The following MACROD2 variants were observed in gnomAD, a reference collection of about 807,000 sequenced individuals.
The protein encoded by MACROD2 is mono-ADP ribosylhydrolase 2.
MACROD2 carries 36 observed loss-of-function variants against 70.4 expected under a neutral mutation model. That is an observed-to-expected ratio of 0.51 (90% CI 0.39 to 0.68). The LOEUF is 0.68. Among genes scored for constraint, MACROD2 ranks in the 30% least tolerant of loss-of-function variants. The probability of loss-of-function intolerance (pLI) is 0.00; values close to 1 mark genes in which losing one functional copy is unlikely to be tolerated. For synonymous variants in MACROD2, 172 were observed against 178.8 expected, an observed-to-expected ratio of 0.96 and a Z score of 0.30; for missense variants, 496 against 538.4, an observed-to-expected ratio of 0.92 and a Z score of 0.78.
intron 3 of MACROD2, among the ~76,000 whole-genome samples, chr20:14,215,375 CA>C (rs1355108110): frequency 3.3e-5 from 5 of 150,376 alleles, no homozygotes; most frequent in African/African-American, 1.2e-4. Context: ...CACACACACA[CA>C]CACACCACAG....
intron 6 of MACROD2, among the ~76,000 whole-genome samples, chr20:15,278,288 G>A (rs999292447): frequency 6.6e-6 from 1 of 152,200 alleles, no homozygotes; most frequent in Non-Finnish European, 1.5e-5. Flanking sequence ...TCCTCATTAT[G>A]AAATAAGACC....
At chr20:15,227,836 T>TTTTTTG (rs2076923029) in intron 5 of MACROD2, among the ~76,000 whole-genome samples, 2 of 124,672 alleles carry the variant, frequency 1.6e-5, no homozygotes, top group African/African-American at 6.3e-5. Flanking sequence ...TTTTTTTTTT[T>TTTTTTG]TTTTTTTTTT....
chr20:14,907,993 T>G (rs908962142), intron 5 of MACROD2, among the ~76,000 whole-genome samples: 4 of 152,094 alleles, frequency 2.6e-5, no homozygotes, highest in African/African-American at 9.7e-5. Context: ...TTCAAACCAC[T>G]GCAAAAAGTC....
intron 2 of MACROD2, among the ~76,000 whole-genome samples, chr20:14,035,349 A>G (rs781310479): frequency 2.0e-5 from 3 of 152,216 alleles, no homozygotes; most frequent in Non-Finnish European, 4.4e-5. Context: ...TTTACTGTTT[A>G]GGAGCACTTA....
At chr20:15,316,496 A>G (rs1215183304) in intron 6 of MACROD2, among the ~76,000 whole-genome samples, 2 of 152,146 alleles carry the variant, frequency 1.3e-5, no homozygotes, top group Non-Finnish European at 2.9e-5. Flanking sequence ...TTAAGAAGCC[A>G]TAGCATTTAT....
At position 15,188,382 on chromosome 20, in the gene MACROD2, T is replaced by C. The variant is rs146914189; in HGVS notation, c.419-41558T>C. 5.7e-4 allele frequency among the ~76,000 whole-genome samples: 87 copies of C among 152,322 alleles called. 1 individual carries two copies. The highest frequency in any genetic ancestry group is 1.9e-3 in the African/African-American group (79 of 41,570). On this transcript the variant is annotated intron_variant, in intron 5 of 17. Transcript: ENST00000684519. ...ATAATGGCGTGTGTTCAAACCTCTG[T>C]ATCTCCAAAGAGTCGAGCAACATGG... is the stretch of plus-strand genomic sequence containing the variant.
intron 4 of MACROD2, among the ~76,000 whole-genome samples, chr20:14,520,738 C>A (rs2423795): frequency 1.3e-5 from 2 of 152,000 alleles, no homozygotes; most frequent in Admixed American, 6.5e-5. Flanking sequence ...CTTTTGCTAC[C>A]TTTGTACCTT....
intron 10 of MACROD2, among the ~76,000 whole-genome samples, chr20:15,903,092 T>G (rs1207620745): frequency 6.6e-6 from 1 of 152,016 alleles, no homozygotes; most frequent in East Asian, 1.9e-4. Context: ...AAACAGTAAG[T>G]GGGCCGGGTG....
At chr20:15,634,592 C>A (rs556387822) in intron 8 of MACROD2, among the ~76,000 whole-genome samples, 1 of 152,198 alleles carries the variant, frequency 6.6e-6, no homozygotes, top group South Asian at 2.1e-4. Flanking sequence ...ACGTTACTTA[C>A]CTTATGGGGA....
At chr20:15,521,697 CAA>C (rs908358050) in intron 8 of MACROD2, among the ~76,000 whole-genome samples, 11 of 152,100 alleles carry the variant, frequency 7.2e-5, no homozygotes, top group Admixed American at 6.5e-5. Context: ...TCAGAAAAAG[CAA>C]GATTATGGAC....
intron 6 of MACROD2, among the ~76,000 whole-genome samples, chr20:15,430,570 T>C (rs896556064): frequency 6.6e-6 from 1 of 151,984 alleles, no homozygotes; most frequent in African/African-American, 2.4e-5. Flanking sequence ...AAGCCTAATT[T>C]AGAGTAAAAT....
At chr20:15,402,683 C>T (rs1328078858) in intron 6 of MACROD2, among the ~76,000 whole-genome samples, 2 of 152,270 alleles carry the variant, frequency 1.3e-5, no homozygotes, top group East Asian at 3.9e-4. Flanking sequence ...GGGGCAAGAG[C>T]AAAGAATAAA....
At chr20:15,275,576 T>G (rs1450218842) in intron 6 of MACROD2, among the ~76,000 whole-genome samples, 1 of 152,200 alleles carries the variant, frequency 6.6e-6, no homozygotes, top group Non-Finnish European at 1.5e-5. Flanking sequence ...TTGGTGGTGA[T>G]AGATCCTCCT....
At chr20:14,766,503 T>A (rs757500348) in intron 5 of MACROD2, among the ~76,000 whole-genome samples, 3 of 152,090 alleles carry the variant, frequency 2.0e-5, no homozygotes, top group Non-Finnish European at 4.4e-5. Flanking sequence ...TTGGTGGAAG[T>A]CCTTTGAGAT....
intron 3 of MACROD2, among the ~76,000 whole-genome samples, chr20:14,362,834 CATAGATA>C (rs565157380): frequency 4.8e-4 from 73 of 152,144 alleles, no homozygotes; most frequent in African/African-American, 1.7e-3. Context: ...ACCTTAAGAG[CATAGATA>C]ATAGTAAAAT....
At chr20:14,190,289 A>G (rs572850768) in intron 3 of MACROD2, among the ~76,000 whole-genome samples, 18 of 152,318 alleles carry the variant, frequency 1.2e-4, no homozygotes, top group African/African-American at 4.3e-4. Context: ...CCCAGACACA[A>G]CATTTAAATG....
chr20:14,220,248 G>A (rs565622323), intron 3 of MACROD2, among the ~76,000 whole-genome samples: 13 of 152,218 alleles, frequency 8.5e-5, no homozygotes, highest in Non-Finnish European at 1.5e-4. Context: ...GGTCAGGGGA[G>A]TTGTTTACCT....
intron 3 of MACROD2, among the ~76,000 whole-genome samples, chr20:14,336,508 A>G (rs915851934): frequency 6.6e-6 from 1 of 152,178 alleles, no homozygotes; most frequent in African/African-American, 2.4e-5. Flanking sequence ...CAAGCTTTGT[A>G]GTATAAATGC....
intron 8 of MACROD2, among the ~76,000 whole-genome samples, chr20:15,842,372 G>A (rs2064180538): frequency 6.6e-6 from 1 of 151,430 alleles, no homozygotes; most frequent in African/African-American, 2.4e-5. Context: ...TCAAAGATGA[G>A]AAAACAGAGG....
Sources: allele counts gnomAD v4.1 joint callset (sites outside exome capture counted in the v4.1 genomes callset), GRCh38; gene constraint gnomAD v4.1.1; transcripts MANE v1.5; gene names NCBI Gene and HGNC (gene_info 2026-07-23, HGNC 2026-07-21).